BTBD18: variants seen among roughly 807,000 people sequenced by gnomAD.
The protein encoded by BTBD18 is BTB/POZ domain-containing protein 18.
For synonymous variants in BTBD18, 311 were observed against 324.4 expected, an observed-to-expected ratio of 0.96 and a Z score of 0.44; for missense variants, 787 against 846.3, an observed-to-expected ratio of 0.93 and a Z score of 0.87.
chr11:57,750,149 A>AG (rs1949277256), intron 2 of BTBD18, among the ~76,000 whole-genome samples: 1 of 151,222 alleles, frequency 6.6e-6, no homozygotes, highest in African/African-American at 2.4e-5. Context: ...AGGCTGAGGC[A>AG]GGTGAATCAT....
chr11:57,748,998 G>A (rs1328720232), intron 2 of BTBD18, among the ~76,000 whole-genome samples: 2 of 152,032 alleles, frequency 1.3e-5, no homozygotes, highest in Non-Finnish European at 2.9e-5. Flanking sequence ...ACCTGTATAC[G>A]TGCTGCTGTC....
Position 57,745,336 on chromosome 11 carries a change from T to G in BTBD18, c.937A>C (p.Lys313Gln), listed in dbSNP as rs755384035. The G allele has an allele frequency of 5.2e-6, 8 of 1,551,600 alleles. No homozygotes were observed. The South Asian group carries it at 9.5e-5, about 18-fold the overall frequency. The change falls in exon 3 of 3, where the codon AAA (lysine) becomes CAA (glutamine). Residue 313 changes from lysine to glutamine, a missense_variant. By Grantham distance (53) the Lys-to-Gln change is moderately conservative (BLOSUM62 1). Transcript: ENST00000422652. ...VNKETPEDKPKPGRASPLQST... is the reference protein window; with the variant it reads ...VNKETPEDKPQPGRASPLQST... The stretch of plus-strand genomic sequence containing the variant: ...TGCAGAGGACTAGCTCTGCCTGGTT[T>G]TGGCTTGTCCTCTGGTGTTTCTTTA...
chr11:57,746,482 G>A (rs1306873241), intron 2 of BTBD18, among the ~76,000 whole-genome samples: 1 of 151,766 alleles, frequency 6.6e-6, no homozygotes, highest in East Asian at 1.9e-4. Context: ...GGCGCATGCT[G>A]CCACACCCGG....
rs1949138415 is a variant in BTBD18 at position 57,743,780 on chromosome 11, C to A, written c.*354G>T. The A allele has an allele frequency of 5.1e-6, 1 of 195,704 alleles. No individual in the cohort carries two copies. The highest frequency in any genetic ancestry group is 2.3e-5 in the African/African-American group (1 of 42,608). The allele number at this position is 195,704 out of a possible 1,614,324, so 12.1% of individuals were successfully genotyped here. On this transcript the variant is annotated 3_prime_UTR_variant, in exon 3 of 3. Transcript: ENST00000422652. Reference sequence around the variant, plus strand: ...ATACCCCACCACAGAGGAGGGTGTTCTTTCTCAGCTTTTCCTAAATTACCA... The same window carrying A: ...ATACCCCACCACAGAGGAGGGTGTTATTTCTCAGCTTTTCCTAAATTACCA...
chr11:57,747,401 C>G (rs1370541119), intron 2 of BTBD18, among the ~76,000 whole-genome samples: 1 of 152,228 alleles, frequency 6.6e-6, no homozygotes, highest in Non-Finnish European at 1.5e-5. Context: ...TTTTCTACTT[C>G]AAAGTAAGGC....
intron 2 of BTBD18, among the ~76,000 whole-genome samples, chr11:57,747,790 C>T (rs552957351): frequency 5.9e-5 from 9 of 152,110 alleles, no homozygotes; most frequent in South Asian, 2.1e-4. Context: ...TGAGCCACCA[C>T]GCCTGGCCAG....
chr11:57,752,782 G>T (rs1949340413), upstream of BTBD18, among the ~76,000 whole-genome samples: 1 of 152,256 alleles, frequency 6.6e-6, no homozygotes, highest in African/African-American at 2.4e-5. Context: ...GCCAACGGCT[G>T]AGTGCTTCAC....
In BTBD18 at chr11:57,751,193, G is replaced by C; in HGVS notation, c.-5C>G. 1 of 1,535,938 alleles carries C rather than the reference G, an allele frequency of 6.5e-7. No homozygotes were observed. The highest frequency in any genetic ancestry group is 1.2e-5 in the South Asian group (1 of 81,132). ...GGGACTGGCAGGAGAGCACATGTTG[G>C]CAAGAGTCTTAACAAACCTTCTAGG... On this transcript the variant is annotated 5_prime_UTR_variant, in exon 2 of 3. Transcript: ENST00000422652.
At position 57,746,069 on chromosome 11, in the gene BTBD18, T is replaced by C; in HGVS notation, c.204A>G (p.Pro68=). The C allele has an allele frequency of 1.3e-6, 2 of 1,551,678 alleles. No individual in the cohort carries two copies. Among genetic ancestry groups the C allele is most frequent in the Non-Finnish European group, 1.7e-6 (2 of 1,146,966 alleles). ...FFTERLERER[P]AQGGKVVLEL... ...CTAGCACCACCTTCCCACCCTGAGC[T>C]GGCCTCTCCCGCTCCAGGCGCTCTG... The change falls in exon 3 of 3, where the codon CCA becomes CCG. Residue 68 remains proline, a synonymous_variant. Transcript: ENST00000422652.
rs905043010 is a variant in BTBD18, at chr11:57,744,440, G to T, written c.1833C>A (p.Leu611=). 1.3e-6 allele frequency: 2 copies of T among 1,551,554 alleles called. No individual in the cohort carries two copies. The highest frequency in any genetic ancestry group is 2.7e-5 in the African/African-American group (2 of 73,050). Residue 611 remains leucine, a synonymous_variant, in exon 3 of 3, where the codon CTC becomes CTA. Transcript: ENST00000422652. ...GGGGAGTATCAAGGGAGCTGACATG[G>T]AGAAGTTTGTCTTCCTGACCATCCA... ...QPLDGQEDKL[L]HVSSLDTPQR...
upstream of BTBD18, among the ~76,000 whole-genome samples, chr11:57,752,689 G>A (rs1425949896): frequency 6.6e-6 from 1 of 152,186 alleles, no homozygotes; most frequent in Non-Finnish European, 1.5e-5. Flanking sequence ...TGCCTTCTCT[G>A]TGCTTGTCCT....
Position 57,744,457 on chromosome 11 carries a change from G to T in BTBD18, c.1816C>A (p.Gln606Lys). The change falls in exon 3 of 3, where the codon CAG (glutamine) becomes AAG (lysine). Residue 606 changes from glutamine (Q) to lysine (K), a missense_variant. Transcript: ENST00000422652. ...CTGACATGGAGAAGTTTGTCTTCCT[G>T]ACCATCCAGTGGCTGGGAGCTGGTA... is the stretch of plus-strand genomic sequence containing the variant. ...EITSSQPLDG[Q>K]EDKLLHVSSL... The T allele has an allele frequency of 6.4e-7, 1 of 1,551,672 alleles. No homozygotes were observed.
Position 57,744,554 on chromosome 11 carries a change from G to A in BTBD18, c.1719C>T (p.Ser573=). Reference sequence around the variant, plus strand: ...TCACCTCAGAGGGCATGACAAGGGGGCTAAGGAGCTCAGTTGGCCCTCTGT... The same window carrying A: ...TCACCTCAGAGGGCATGACAAGGGGACTAAGGAGCTCAGTTGGCCCTCTGT... ...GENRGPTELL[S]PLVMPSEVSE... The change falls in exon 3 of 3, where the codon AGC becomes AGT. Residue 573 remains serine, a synonymous_variant. Transcript: ENST00000422652. 1 of 1,551,664 alleles carries A rather than the reference G, an allele frequency of 6.4e-7. No individual in the cohort carries two copies.
At chr11:57,752,872 C>T (rs371008937), upstream of BTBD18, among the ~76,000 whole-genome samples, 3 of 152,228 alleles carry the variant, frequency 2.0e-5, no homozygotes, top group African/African-American at 7.2e-5. Flanking sequence ...CGGGGTGGCC[C>T]GCACGCTTGG....
Position 57,751,637 on chromosome 11 carries a change from GTAACTAT to G in BTBD18, c.-152_-146del, listed in dbSNP as rs956021017. ...CAAAATAACTACCAAGCCCCAAATGGTAACTATTATTATCCTTCAACCTTCCTCATTT... is the reference window on the plus strand; with the variant it reads ...CAAAATAACTACCAAGCCCCAAATGGTATTATCCTTCAACCTTCCTCATTT... On this transcript the variant is annotated 5_prime_UTR_variant, in exon 1 of 3. Transcript: ENST00000422652. 1 of 152,560 alleles carries G rather than the reference GTAACTAT, an allele frequency of 6.6e-6. No individual in the cohort carries two copies. Among genetic ancestry groups the G allele is most frequent in the African/African-American group, 2.4e-5 (1 of 41,428 alleles). The allele number at this position is 152,560 out of a possible 1,614,324, so 9.5% of individuals were successfully genotyped here.
At position 57,746,082 on chromosome 11, in the gene BTBD18, T is replaced by A; in HGVS notation, c.191A>T (p.Glu64Val). ...CCCACCCTGAGCTGGCCTCTCCCGC[T>A]CCAGGCGCTCTGTGAAGAAGGGGCT... is the stretch of plus-strand genomic sequence containing the variant. ...ACSPFFTERL[E>V]RERPAQGGKV... Residue 64 changes from glutamate to valine, a missense_variant, in exon 3 of 3, where the codon GAG becomes GTG. By Grantham distance (121) the Glu-to-Val change is moderately radical (BLOSUM62 -2). Coordinates refer to ENST00000422652, the MANE Select transcript of BTBD18 (RefSeq NM_001145101.3). 1.3e-6 allele frequency: 2 copies of A among 1,551,534 alleles called. No individual in the cohort carries two copies. Among genetic ancestry groups the A allele is most frequent in the Non-Finnish European group, 1.7e-6 (2 of 1,146,914 alleles).
chr11:57,747,451 T>C (rs1398822376), intron 2 of BTBD18, among the ~76,000 whole-genome samples: 1 of 152,218 alleles, frequency 6.6e-6, no homozygotes, highest in Non-Finnish European at 1.5e-5. Context: ...AAACCAGAAG[T>C]CATTTTTAAT....
At position 57,745,026 on chromosome 11, in the gene BTBD18, A is replaced by C; in HGVS notation, c.1247T>G (p.Leu416Arg). ...AGTGCACATGGGGGAGTCCTGACACAGTTCTGTTCTAGTAGGTGACATTTC... is the reference window on the plus strand; with the variant it reads ...AGTGCACATGGGGGAGTCCTGACACCGTTCTGTTCTAGTAGGTGACATTTC... Reference protein sequence around the residue: ...EQEMSPTRTELCQDSPMCTKL... With the variant: ...EQEMSPTRTERCQDSPMCTKL... The change falls in exon 3 of 3, where the codon CTG becomes CGG. Residue 416 changes from leucine to arginine, a missense_variant. Transcript: ENST00000422652. The C allele has an allele frequency of 1.3e-6, 2 of 1,551,620 alleles. No individual in the cohort carries two copies. The highest frequency in any genetic ancestry group is 2.4e-5 in the South Asian group (2 of 84,050).
rs958047276 is a variant in BTBD18 at position 57,746,058 on chromosome 11, C to T, written c.215G>A (p.Gly72Glu). The stretch of plus-strand genomic sequence containing the variant: ...GCCACCCAGCTCTAGCACCACCTTC[C>T]CACCCTGAGCTGGCCTCTCCCGCTC... Reference protein sequence around the residue: ...RLERERPAQGGKVVLELGGLK... With the variant: ...RLERERPAQGEKVVLELGGLK... The change falls in exon 3 of 3, where the codon GGG (glycine) becomes GAG (glutamate). Residue 72 changes from glycine to glutamate, a missense_variant. By Grantham distance (98) the Gly-to-Glu change is moderately conservative. Coordinates refer to ENST00000422652, the MANE Select transcript of BTBD18 (RefSeq NM_001145101.3). The T allele has an allele frequency of 1.9e-6, 3 of 1,551,538 alleles. No individual in the cohort carries two copies. The African/African-American group carries it at 4.1e-5, about 21-fold the overall frequency.
Sources: gnomAD v4.1 joint callset for allele counts (sites outside exome capture counted in the v4.1 genomes callset) on GRCh38, gnomAD v4.1.1 for gene constraint, MANE v1.5 for transcripts, NCBI Gene and HGNC (gene_info 2026-07-23, HGNC 2026-07-21) for gene names.